MYO3B: variants seen among roughly 807,000 people sequenced by gnomAD.
The protein encoded by MYO3B is myosin IIIB, also known as myosin-IIIb.
In MYO3B, 156 loss-of-function variants were observed where a neutral mutation model predicts 174.6. That is an observed-to-expected ratio of 0.89 (90% CI 0.78 to 1.02). The LOEUF (loss-of-function observed/expected upper bound fraction) is 1.02, where lower values mean the gene tolerates loss of function less well. Among genes scored for constraint, MYO3B ranks in the 50% least tolerant of loss-of-function variants. MYO3B has a pLI of 0.00. For missense variants in MYO3B, 1,632 were observed against 1,639.4 expected (o/e 1.00, Z 0.08); for synonymous variants, 563 against 569.1 (o/e 0.99, Z 0.15).
At chr2:170,303,411 A>G (rs991043919) in intron 7 of MYO3B, among the ~76,000 whole-genome samples, 1 of 152,174 alleles carries the variant, frequency 6.6e-6, no homozygotes, top group Non-Finnish European at 1.5e-5. Context: ...GGTGTAAAAA[A>G]TGGTATTTCA....
At chr2:170,400,942 A>G (rs1030963023) in intron 17 of MYO3B, among the ~76,000 whole-genome samples, 3 of 151,982 alleles carry the variant, frequency 2.0e-5, no homozygotes, top group African/African-American at 7.3e-5. Context: ...CTGTTTTAAA[A>G]AAATCATCTA....
chr2:170,336,993 G>A (rs2093950982), intron 8 of MYO3B, among the ~76,000 whole-genome samples: 1 of 151,664 alleles, frequency 6.6e-6, no homozygotes, highest in African/African-American at 2.4e-5. Flanking sequence ...GTCAGGGGTG[G>A]AGGGTATCTC....
intron 19 of MYO3B, among the ~76,000 whole-genome samples, chr2:170,403,919 G>T (rs917752446): frequency 6.6e-6 from 1 of 151,858 alleles, no homozygotes; most frequent in African/African-American, 2.4e-5. Context: ...CTGTTTTCTT[G>T]GTTTAAACAA....
chr2:170,412,677 G>A (rs1208479305), intron 22 of MYO3B, among the ~76,000 whole-genome samples: 2 of 152,200 alleles, frequency 1.3e-5, no homozygotes, highest in African/African-American at 4.8e-5. Flanking sequence ...AATGAATTAA[G>A]CTCTTAAGAG....
At chr2:170,267,001 A>G (rs113398951) in intron 7 of MYO3B, among the ~76,000 whole-genome samples, 2,929 of 152,350 alleles carry the variant, frequency 0.019, 101 homozygotes, top group African/African-American at 0.066. Context: ...TCTGATTAAC[A>G]TCTTGATACA....
intron 28 of MYO3B, among the ~76,000 whole-genome samples, chr2:170,512,928 G>T (rs561767569): frequency 1.8e-4 from 28 of 152,246 alleles, no homozygotes; most frequent in Admixed American, 5.9e-4. Flanking sequence ...GCTGTAAAAT[G>T]GGAATAAAGT....
intron 3 of MYO3B, among the ~76,000 whole-genome samples, chr2:170,205,590 C>G (rs931666591): frequency 1.7e-4 from 26 of 152,168 alleles, no homozygotes; most frequent in African/African-American, 6.3e-4. Context: ...TTTCCCTAGA[C>G]TCTGTCTCTT....
At chr2:170,519,804 C>G (rs1222818457) in intron 30 of MYO3B, 1 of 308,570 alleles carries the variant, frequency 3.2e-6, no homozygotes, top group African/African-American at 2.2e-5. Flanking sequence ...AAAACCCCGC[C>G]TCTACTAAAA....
chr2:170,256,289 C>T lies in MYO3B; in HGVS notation c.749+20153C>T, dbSNP rs117765866. The stretch of plus-strand genomic sequence containing the variant: ...GCAAATTCAAAAAATTCAGACAACC[C>T]CTGTGAGATACTATATAAGATAGCT... On this transcript the variant is annotated intron_variant, in intron 7 of 34. Transcript: ENST00000408978. Among the ~76,000 whole-genome samples, 23 of 152,088 alleles carry T rather than the reference C, an allele frequency of 1.5e-4. No homozygotes were observed. In the East Asian group the frequency reaches 4.4e-3, roughly 29 times the overall value.
chr2:170,371,407 G>A (rs772406763), intron 9 of MYO3B, among the ~76,000 whole-genome samples: 7 of 146,504 alleles, frequency 4.8e-5, no homozygotes, highest in African/African-American at 1.7e-4. Flanking sequence ...TCAGTGGTTT[G>A]TGTTTCTTTG....
intron 25 of MYO3B, among the ~76,000 whole-genome samples, chr2:170,494,727 CAA>C (rs3066990): frequency 0.048 from 4,432 of 91,934 alleles, 133 homozygotes; most frequent in African/African-American, 0.17. Flanking sequence ...AACTGCGTCT[CAA>C]AAAAAAAAAA....
At chr2:170,212,436 A>C (rs556617320) in intron 3 of MYO3B, among the ~76,000 whole-genome samples, 1 of 152,282 alleles carries the variant, frequency 6.6e-6, no homozygotes, top group African/African-American at 2.4e-5. Context: ...TCGGAGGACA[A>C]AAAGGCTTAG....
chr2:170,318,378 T>A (rs889364706), intron 7 of MYO3B, among the ~76,000 whole-genome samples: 1 of 152,228 alleles, frequency 6.6e-6, no homozygotes, highest in Non-Finnish European at 1.5e-5. Flanking sequence ...ACTGACACAC[T>A]GATTTAACTA....
intron 7 of MYO3B, among the ~76,000 whole-genome samples, chr2:170,262,915 C>A (rs1460630983): frequency 6.6e-6 from 1 of 152,186 alleles, no homozygotes; most frequent in Non-Finnish European, 1.5e-5. Context: ...TTAATGCATA[C>A]TTAATCTACT....
chr2:170,370,881 ATGCTCT>A (rs1000248565), intron 9 of MYO3B, among the ~76,000 whole-genome samples: 24 of 150,322 alleles, frequency 1.6e-4, no homozygotes, highest in African/African-American at 5.7e-4. Flanking sequence ...GTCCAGATCT[ATGCTCT>A]CTCTCTCTCT....
intron 8 of MYO3B, chr2:170,338,054 G>A (rs567236201): frequency 2.6e-5 from 4 of 152,284 alleles, no homozygotes; most frequent in African/African-American, 9.6e-5. Context: ...TCCTCCCTAA[G>A]ATAGTTCCTT....
At chr2:170,456,877 G>A (rs758314146) in intron 23 of MYO3B, among the ~76,000 whole-genome samples, 10 of 152,168 alleles carry the variant, frequency 6.6e-5, no homozygotes, top group East Asian at 1.9e-4. Flanking sequence ...GATTTTTGTC[G>A]TCGTTCATTC....
Position 170,236,093 on chromosome 2 carries a change from C to A in MYO3B, c.706C>A (p.Leu236Ile). ...AIELGDGDPP[L>I]FDMHPVKTLF... ...TGAACTGGGGGATGGAGACCCTCCCCTCTTTGACATGCATCCTGTGAAAAC... is the reference window on the plus strand; with the variant it reads ...TGAACTGGGGGATGGAGACCCTCCCATCTTTGACATGCATCCTGTGAAAAC... The change falls in exon 7 of 35, where the codon CTC becomes ATC. Residue 236 changes from leucine to isoleucine, a missense_variant. Coordinates refer to ENST00000408978, the MANE Select transcript of MYO3B (RefSeq NM_138995.5). 6.2e-7 allele frequency: 1 copy of A among 1,614,142 alleles called. No individual in the cohort carries two copies. The highest frequency in any genetic ancestry group is 1.1e-5 in the South Asian group (1 of 91,068).
intron 8 of MYO3B, chr2:170,340,292 A>C (rs2093969061): frequency 6.6e-6 from 1 of 152,150 alleles, no homozygotes; most frequent in African/African-American, 2.4e-5. Flanking sequence ...TTATTGAGAC[A>C]ATCAAGATGG....
Sources: gnomAD v4.1 joint callset for allele counts (sites outside exome capture counted in the v4.1 genomes callset) on GRCh38, gnomAD v4.1.1 for gene constraint, MANE v1.5 for transcripts, NCBI Gene and HGNC (gene_info 2026-07-23, HGNC 2026-07-21) for gene names.